MALRD1: variants seen among roughly 807,000 people sequenced by gnomAD.
MALRD1 encodes the protein MAM and LDL receptor class A domain containing 1.
In MALRD1, 247 loss-of-function variants were observed where a neutral mutation model predicts 242.1. The ratio of observed to expected loss-of-function variants is 1.02; its 90% CI spans 0.92 to 1.13. The LOEUF (loss-of-function observed/expected upper bound fraction) is 1.13. MALRD1 is among the 50% of genes most tolerant of loss of function. The pLI, the probability that MALRD1 is intolerant of heterozygous loss-of-function variation, is 0.00. For synonymous variants in MALRD1, 995 were observed against 866.6 expected (o/e 1.15, Z -2.60); for missense variants, 2,989 against 2,533.1 (o/e 1.18, Z -3.86).
At chr10:19,271,930 T>G (rs535532481) in intron 19 of MALRD1, among the ~76,000 whole-genome samples, 43 of 152,224 alleles carry the variant, frequency 2.8e-4, no homozygotes, top group African/African-American at 9.1e-4. Context: ...GGGGTTAGAA[T>G]CAGCAAGAAA....
At chr10:19,096,149 C>A (rs1588536369) in intron 4 of MALRD1, among the ~76,000 whole-genome samples, 1 of 152,118 alleles carries the variant, frequency 6.6e-6, no homozygotes, top group African/African-American at 2.4e-5. Context: ...CTGGAACTTG[C>A]TATATCTTGT....
At chr10:19,192,021 G>A (rs959196900) in intron 14 of MALRD1, among the ~76,000 whole-genome samples, 3 of 151,464 alleles carry the variant, frequency 2.0e-5, no homozygotes, top group Non-Finnish European at 4.4e-5. Flanking sequence ...GTAAATAAAT[G>A]AAAATAAATA....
intron 14 of MALRD1, among the ~76,000 whole-genome samples, chr10:19,175,770 C>A (rs1331204075): frequency 1.3e-5 from 2 of 152,002 alleles, no homozygotes; most frequent in Non-Finnish European, 2.9e-5. Flanking sequence ...GTAAGGCCAA[C>A]CAAAATTTAA....
chr10:19,457,075 A>G (rs1462134731), intron 29 of MALRD1, among the ~76,000 whole-genome samples: 1 of 152,240 alleles, frequency 6.6e-6, no homozygotes, highest in Non-Finnish European at 1.5e-5. Context: ...TATGATTGCC[A>G]TCACTCATCA....
chr10:19,153,825 A>G (rs2131463012), intron 11 of MALRD1, among the ~76,000 whole-genome samples: 1 of 152,102 alleles, frequency 6.6e-6, no homozygotes, highest in Middle Eastern at 3.4e-3. Context: ...TGCTTCATTT[A>G]GATTTTGGCG....
At chr10:19,191,120 C>T (rs1285806350) in intron 14 of MALRD1, among the ~76,000 whole-genome samples, 4 of 152,038 alleles carry the variant, frequency 2.6e-5, no homozygotes, top group Admixed American at 6.6e-5. Context: ...AAACCAACAG[C>T]TCAATTCAAA....
intron 14 of MALRD1, among the ~76,000 whole-genome samples, chr10:19,183,350 C>T (rs1434586409): frequency 6.6e-6 from 1 of 151,670 alleles, no homozygotes; most frequent in Non-Finnish European, 1.5e-5. Context: ...AAAATTTAGG[C>T]TGCGATTCTA....
intron 32 of MALRD1, among the ~76,000 whole-genome samples, chr10:19,566,642 A>G (rs917346442): frequency 1.3e-5 from 2 of 151,088 alleles, no homozygotes; most frequent in Non-Finnish European, 3.0e-5. Flanking sequence ...GAAGTATACC[A>G]TAAGCCAAAT....
At chr10:19,409,277 A>T (rs1455250748) in intron 28 of MALRD1, among the ~76,000 whole-genome samples, 1 of 152,178 alleles carries the variant, frequency 6.6e-6, no homozygotes, top group Admixed American at 6.5e-5. Flanking sequence ...TTTTGAAATG[A>T]CCGAATTCCT....
chr10:19,146,330 C>A lies in MALRD1; in HGVS notation c.1544C>A (p.Ala515Glu). 1 of 1,231,382 alleles carries A rather than the reference C, an allele frequency of 8.1e-7. No homozygotes were observed. The highest frequency in any genetic ancestry group is 1.0e-6 in the Non-Finnish European group (1 of 987,764). The allele number at this position is 1,231,382 out of a possible 1,614,324, so 76.3% of individuals were successfully genotyped here. A position where few individuals can be genotyped will look rare whatever the true frequency, so the allele number is the denominator to read the frequency against. The change falls in exon 11 of 40, where the codon GCA (alanine) becomes GAA (glutamate). Residue 515 changes from alanine (A) to glutamate (E), a missense_variant. Physicochemically the swap from Ala to Glu is moderately radical, Grantham distance 107. Coordinates refer to ENST00000454679, the MANE Select transcript of MALRD1 (RefSeq NM_001142308.3). ...EHHFPAADHTANINHGSFIYL... is the reference protein window; with the variant it reads ...EHHFPAADHTENINHGSFIYL... ...CACTTTCCTGCAGCTGATCACACAG[C>A]AAACATAAATCATGGTAGGACATTT...
intron 29 of MALRD1, among the ~76,000 whole-genome samples, chr10:19,475,828 A>C (rs1836703115): frequency 6.6e-6 from 1 of 152,204 alleles, no homozygotes. Flanking sequence ...TCTCAATCTG[A>C]TTGCTCAGCT....
intron 12 of MALRD1, among the ~76,000 whole-genome samples, chr10:19,163,784 T>C (rs888073654): frequency 2.0e-5 from 3 of 152,228 alleles, no homozygotes; most frequent in African/African-American, 7.2e-5. Flanking sequence ...CTTAAGAATT[T>C]AAGTCTCCAT....
chr10:19,488,293 A>G (rs1163486731), intron 29 of MALRD1, among the ~76,000 whole-genome samples: 7 of 152,174 alleles, frequency 4.6e-5, no homozygotes, highest in East Asian at 1.9e-4. Flanking sequence ...AGCCAACTAT[A>G]TATCAGGTTC....
intron 32 of MALRD1, among the ~76,000 whole-genome samples, chr10:19,539,383 C>T (rs1336261852): frequency 2.6e-5 from 4 of 152,110 alleles, no homozygotes; most frequent in East Asian, 1.9e-4. Context: ...CTATTTATGA[C>T]GTATTGAGGG....
chr10:19,527,935 C>T (rs1453709595), intron 31 of MALRD1, among the ~76,000 whole-genome samples: 2 of 151,832 alleles, frequency 1.3e-5, no homozygotes, highest in Non-Finnish European at 1.5e-5. Context: ...TTAAAAATAC[C>T]TTGGATTTAA....
chr10:19,417,328 G>T (rs1833549125), intron 28 of MALRD1, among the ~76,000 whole-genome samples: 1 of 152,044 alleles, frequency 6.6e-6, no homozygotes, highest in South Asian at 2.1e-4. Flanking sequence ...CTTTGATTTT[G>T]GTGGACATTT....
chr10:19,527,933 AC>A (rs763954237), intron 31 of MALRD1, among the ~76,000 whole-genome samples: 6 of 152,172 alleles, frequency 3.9e-5, no homozygotes, highest in Middle Eastern at 3.4e-3. Context: ...AATTAAAAAT[AC>A]CTTGGATTTA....
chr10:19,440,935 G>C (rs894401674), intron 28 of MALRD1, among the ~76,000 whole-genome samples: 2 of 151,966 alleles, frequency 1.3e-5, no homozygotes, highest in African/African-American at 4.8e-5. Flanking sequence ...TTCCACAATG[G>C]TTGAACTAGT....
chr10:19,634,705 A>G (rs985218501), intron 36 of MALRD1, among the ~76,000 whole-genome samples: 5 of 152,210 alleles, frequency 3.3e-5, no homozygotes, highest in African/African-American at 1.2e-4. Flanking sequence ...AGAGTGAACT[A>G]GACCAGGGAC....
Sources: gnomAD v4.1 joint callset for allele counts (sites outside exome capture counted in the v4.1 genomes callset) on GRCh38, gnomAD v4.1.1 for gene constraint, MANE v1.5 for transcripts, NCBI Gene and HGNC (gene_info 2026-07-23, HGNC 2026-07-21) for gene names.